The following CINP variants were observed in gnomAD, a reference collection of about 807,000 sequenced individuals.
CINP encodes the protein cyclin-dependent kinase 2-interacting protein.
In CINP, 11 loss-of-function variants were observed where a neutral mutation model predicts 20.5. That is an observed-to-expected ratio of 0.54 (90% CI 0.34 to 0.89). CINP has a LOEUF of 0.89. Among genes scored for constraint, CINP ranks in the 40% least tolerant of loss-of-function variants. The probability of loss-of-function intolerance (pLI) is 0.02; values close to 1 mark genes in which losing one functional copy is unlikely to be tolerated. For synonymous variants in CINP, 108 were observed against 102.1 expected (o/e 1.06, Z -0.35); for missense variants, 213 against 251.0 (o/e 0.85, Z 1.02).
intron 1 of CINP, 63 bp downstream of exon 1, chr14:102,362,782 C>T: frequency 6.2e-7 from 1 of 1,608,294 alleles, no homozygotes; most frequent in African/African-American, 1.3e-5. Flanking sequence ...CTGGTCCAAC[C>T]TGCGGCCTAA....
At chr14:102,349,803 C>T in intron 4 of CINP, 116 bp downstream of exon 4, 9 of 1,265,278 alleles carry the variant, frequency 7.1e-6, no homozygotes, top group Non-Finnish European at 1.0e-5. Flanking sequence ...CCTCCCGATA[C>T]TTTTGCATTG....
intron 4 of CINP, among the ~76,000 whole-genome samples, chr14:102,349,586 ACAAAC>A (rs932713000): frequency 3.3e-5 from 5 of 152,190 alleles, no homozygotes; most frequent in Non-Finnish European, 7.3e-5. Flanking sequence ...AAAAACCTCA[ACAAAC>A]CAAAAAAACT....
chr14:102,350,521 A>AT (rs937872721), intron 3 of CINP, among the ~76,000 whole-genome samples: 19 of 151,534 alleles, frequency 1.3e-4, no homozygotes, highest in Non-Finnish European at 2.5e-4. Flanking sequence ...CACCCAGCTA[A>AT]TTTTTTTTAA....
chr14:102,361,243 AAAAC>A (rs1887139042), intron 1 of CINP, among the ~76,000 whole-genome samples: 2 of 152,210 alleles, frequency 1.3e-5, no homozygotes, highest in African/African-American at 4.8e-5. Flanking sequence ...AAAACAAAAC[AAAAC>A]AAACAAGCAA....
At chr14:102,352,558 A>G (rs1256020586) in intron 3 of CINP, 4 of 455,942 alleles carry the variant, frequency 8.8e-6, no homozygotes, top group Non-Finnish European at 8.8e-6. Context: ...ACCATTCTCT[A>G]TAACGGATAG....
intron 1 of CINP, 89 bp from the exon 2 acceptor site, chr14:102,359,676 A>G: frequency 1.1e-6 from 1 of 917,284 alleles, no homozygotes; most frequent in South Asian, 2.0e-5. Context: ...TCAACAGTAA[A>G]ACTATCTGAA....
intron 2 of CINP, among the ~76,000 whole-genome samples, chr14:102,356,496 A>T (rs948062298): frequency 6.6e-6 from 1 of 151,960 alleles, no homozygotes. Context: ...TGAATAAGAC[A>T]TGGATCATTT....
intron 3 of CINP, 102 bp from the exon 4 acceptor site, chr14:102,350,150 G>T (rs1015229788): frequency 2.9e-5 from 33 of 1,126,818 alleles, no homozygotes; most frequent in Non-Finnish European, 4.0e-5. Context: ...AGTCTATTAT[G>T]ATAAAAATTC....
At chr14:102,354,516 G>A (rs1252578083) in intron 3 of CINP, among the ~76,000 whole-genome samples, 1 of 152,196 alleles carries the variant, frequency 6.6e-6, no homozygotes, top group African/African-American at 2.4e-5. Flanking sequence ...CAACACTTTG[G>A]GAGGCTGAGG....
chr14:102,353,870 C>T (rs1301059371), intron 3 of CINP, among the ~76,000 whole-genome samples: 1 of 152,198 alleles, frequency 6.6e-6, no homozygotes, highest in Non-Finnish European at 1.5e-5. Flanking sequence ...GGGAAGATCA[C>T]TTCATGTCAG....
rs11544426 is a variant in CINP at position 102,359,436 on chromosome 14, G to C, written c.159C>G (p.Asn53Lys). The C allele has an allele frequency of 0.03, 47,572 of 1,598,646 alleles. 818 individuals are homozygous for C. The highest frequency in any genetic ancestry group is 0.041 in the Middle Eastern group (249 of 6,006). The change falls in exon 2 of 5, where the codon AAC (asparagine) becomes AAG (lysine). Residue 53 changes from asparagine to lysine, a missense_variant. Coordinates refer to ENST00000216756, the MANE Select transcript of CINP (RefSeq NM_032630.3). Reference protein sequence around the residue: ...AGFTTANNIANLKISLLNKDK... With the variant: ...AGFTTANNIAKLKISLLNKDK... ...GTACTTACAATAAACTGATTTTCAA[G>C]TTGGCAATATTATTTGCAGTGGTAA...
intron 3 of CINP, among the ~76,000 whole-genome samples, chr14:102,354,091 G>C (rs572625449): frequency 6.6e-6 from 1 of 152,204 alleles, no homozygotes; most frequent in South Asian, 2.1e-4. Context: ...CAAACAAAAA[G>C]GTGAAAATAT....
At chr14:102,362,516 T>C (rs1356109823) in intron 1 of CINP, 1 of 701,134 alleles carries the variant, frequency 1.4e-6, no homozygotes, top group African/African-American at 1.7e-5. Flanking sequence ...GAGATGAGCA[T>C]GCAAGGCTTG....
At chr14:102,354,780 AC>A (rs1449190738) in intron 3 of CINP, among the ~76,000 whole-genome samples, 1 of 148,478 alleles carries the variant, frequency 6.7e-6, no homozygotes, top group East Asian at 2.1e-4. Context: ...AAAAACAAAA[AC>A]AAAAAAGGCC....
rs573841242 is a variant in CINP, at chr14:102,348,448, C to CTAA, written c.*108_*109insTTA. The CTAA allele has an allele frequency of 6.4e-4, 552 of 865,726 alleles. 4 individuals are homozygous for CTAA. In the African/African-American group the frequency reaches 0.011, roughly 18 times the overall value. The allele number at this position is 865,726 out of a possible 1,614,324, so 53.6% of individuals were successfully genotyped here. A position where few individuals can be genotyped will look rare whatever the true frequency, so the allele number is the denominator to read the frequency against. On this transcript the variant is annotated 3_prime_UTR_variant, in exon 5 of 5. Transcript: ENST00000216756. ...GGTGACAAGCTCTGGCCAGAAGACC[C>CTAA]CAAGGTCTGATCCTGGGGTCTGATC... is the stretch of plus-strand genomic sequence containing the variant.
In CINP at chr14:102,349,935, C is replaced by T; in HGVS notation, c.420G>A (p.Trp140Ter). 1 of 1,613,780 alleles carries T rather than the reference C, an allele frequency of 6.2e-7. No individual in the cohort carries two copies. Among genetic ancestry groups the T allele is most frequent in the Non-Finnish European group, 8.5e-7 (1 of 1,179,914 alleles). Residue 140 changes from tryptophan to a stop codon, truncating the protein, a stop_gained, in exon 4 of 5, where the codon TGG becomes TGA. Coordinates refer to ENST00000216756, the MANE Select transcript of CINP (RefSeq NM_032630.3). LOFTEE classifies it low-confidence loss of function (END_TRUNC). ...ACTACTTACAGAAATGGGTTGTAGGCCACGTGTGGAACAGAGGGGGTCGTT... is the reference window on the plus strand; with the variant it reads ...ACTACTTACAGAAATGGGTTGTAGGTCACGTGTGGAACAGAGGGGGTCGTT... ...ESKRPPLFHT[W>*]PTTHFYEVSH...
At position 102,362,882 on chromosome 14, in the gene CINP, C is replaced by T; in HGVS notation, c.-31G>A. Reference sequence around the variant, plus strand: ...CCACAGATATCCGTAGAAGGAGACGCGAAGCCCCGCCCACCCCACCGGAAA... The same window carrying T: ...CCACAGATATCCGTAGAAGGAGACGTGAAGCCCCGCCCACCCCACCGGAAA... On this transcript the variant is annotated 5_prime_UTR_variant, in exon 1 of 5. Coordinates refer to ENST00000216756, the MANE Select transcript of CINP (RefSeq NM_032630.3). 6.2e-7 allele frequency: 1 copy of T among 1,613,680 alleles called. No individual in the cohort carries two copies.
At chr14:102,350,828 A>C (rs1373596382) in intron 3 of CINP, among the ~76,000 whole-genome samples, 1 of 75,958 alleles carries the variant, frequency 1.3e-5, no homozygotes, top group Non-Finnish European at 2.7e-5. Context: ...TTTTTTTTTG[A>C]GACGGAGTCT....
At chr14:102,355,656 A>G in intron 3 of CINP, 112 bp downstream of exon 3, 1 of 1,228,768 alleles carries the variant, frequency 8.1e-7, no homozygotes, top group Admixed American at 2.0e-5. Flanking sequence ...GGAAGAGAAC[A>G]TCAGAGGAGA....
Sources: gnomAD v4.1 joint callset for allele counts (sites outside exome capture counted in the v4.1 genomes callset) on GRCh38, gnomAD v4.1.1 for gene constraint, MANE v1.5 for transcripts, NCBI Gene and HGNC (gene_info 2026-07-23, HGNC 2026-07-21) for gene names.